The following CCSER1 variants were observed in gnomAD, a reference collection of about 807,000 sequenced individuals.
The protein encoded by CCSER1 is coiled-coil serine rich protein 1.
In CCSER1, 41 loss-of-function variants were observed where a neutral mutation model predicts 82.0. That is an observed-to-expected ratio of 0.50 (90% CI 0.39 to 0.65). The LOEUF (loss-of-function observed/expected upper bound fraction) is 0.65. CCSER1 is among the 30% of genes least tolerant of loss of function. The pLI, the probability that CCSER1 is intolerant of heterozygous loss-of-function variation, is 0.00. For missense variants in CCSER1, 1,119 were observed against 1,064.2 expected, an observed-to-expected ratio of 1.05 and a Z score of -0.72; for synonymous variants, 414 against 383.9, an observed-to-expected ratio of 1.08 and a Z score of -0.92.
chr4:91,437,227 C>T (rs1305833568), intron 10 of CCSER1, among the ~76,000 whole-genome samples: 2 of 152,120 alleles, frequency 1.3e-5, no homozygotes, highest in African/African-American at 2.4e-5. Context: ...TATCAGAATA[C>T]TAGGGTATTG....
intron 10 of CCSER1, among the ~76,000 whole-genome samples, chr4:91,490,842 G>A (rs1402794134): frequency 2.0e-5 from 2 of 98,616 alleles, no homozygotes; most frequent in African/African-American, 8.0e-5. Flanking sequence ...ATTACACATT[G>A]TATGCCTGTA....
chr4:90,865,355 G>T (rs1765598981), intron 8 of CCSER1, among the ~76,000 whole-genome samples: 2 of 151,930 alleles, frequency 1.3e-5, no homozygotes, highest in Non-Finnish European at 2.9e-5. Flanking sequence ...ATTTCAGTTT[G>T]CCATAGTTTT....
At chr4:90,559,857 A>G (rs982313296) in intron 5 of CCSER1, among the ~76,000 whole-genome samples, 2 of 148,984 alleles carry the variant, frequency 1.3e-5, no homozygotes, top group Non-Finnish European at 3.0e-5. Flanking sequence ...AGTAGTGCAT[A>G]CCTGTAGTCC....
At chr4:91,331,141 T>C (rs1746924068) in intron 10 of CCSER1, among the ~76,000 whole-genome samples, 1 of 152,108 alleles carries the variant, frequency 6.6e-6, no homozygotes, top group Non-Finnish European at 1.5e-5. Context: ...ATGTTGGAAA[T>C]GGAAAGTATC....
intron 5 of CCSER1, among the ~76,000 whole-genome samples, chr4:90,548,749 T>TATATATAC (rs950440676): frequency 6.8e-6 from 1 of 147,764 alleles, no homozygotes; most frequent in African/African-American, 2.5e-5. Context: ...TATATATATA[T>TATATATAC]ACACACACAC....
At chr4:91,036,314 TTGA>T (rs1187768628) in intron 9 of CCSER1, among the ~76,000 whole-genome samples, 1 of 152,224 alleles carries the variant, frequency 6.6e-6, no homozygotes, top group Admixed American at 6.5e-5. Flanking sequence ...CAAAATTAAT[TTGA>T]TGATTAATTT....
At chr4:91,562,173 A>C (rs543943457) in intron 10 of CCSER1, among the ~76,000 whole-genome samples, 6 of 151,656 alleles carry the variant, frequency 4.0e-5, no homozygotes, top group African/African-American at 1.4e-4. Context: ...ACTGAAATTC[A>C]AAATATCTTG....
chr4:90,941,155 A>G (rs1731534056), intron 9 of CCSER1, among the ~76,000 whole-genome samples: 1 of 152,136 alleles, frequency 6.6e-6, no homozygotes, highest in South Asian at 2.1e-4. Context: ...AGAATTATTT[A>G]TACAAATATA....
At chr4:90,793,537 T>C (rs184078522) in intron 7 of CCSER1, among the ~76,000 whole-genome samples, 2 of 148,294 alleles carry the variant, frequency 1.3e-5, no homozygotes, top group East Asian at 4.0e-4. Flanking sequence ...TATTTCATGA[T>C]GTTTATATAC....
intron 10 of CCSER1, among the ~76,000 whole-genome samples, chr4:91,169,363 A>G (rs940488235): frequency 2.6e-5 from 4 of 152,230 alleles, no homozygotes; most frequent in South Asian, 2.1e-4. Context: ...TCTCACGCCT[A>G]TAATCCCAGC....
At chr4:90,918,016 A>G (rs188417838) in intron 8 of CCSER1, among the ~76,000 whole-genome samples, 5 of 152,106 alleles carry the variant, frequency 3.3e-5, no homozygotes, top group African/African-American at 1.2e-4. Flanking sequence ...TACATTAAAA[A>G]AATCTTTTTC....
chr4:91,267,274 T>C (rs547360291), intron 10 of CCSER1, among the ~76,000 whole-genome samples: 41 of 152,240 alleles, frequency 2.7e-4, no homozygotes, highest in African/African-American at 9.9e-4. Context: ...CTCTTAGTTC[T>C]TTGTTTTTTA....
chr4:91,302,163 C>G lies in CCSER1; in HGVS notation c.2217+216169C>G, dbSNP rs984110664. On this transcript the variant is annotated intron_variant, in intron 10 of 10. Transcript: ENST00000509176. ...ATATATTGAACTGCCACACTGATAT[C>G]TTCATTTGCATTTAGATGCAATCAT... Among the ~76,000 whole-genome samples, 7 of 151,988 alleles carry G rather than the reference C, an allele frequency of 4.6e-5. No individual in the cohort carries two copies. In the East Asian group the frequency reaches 1.4e-3, roughly 30 times the overall value.
intron 7 of CCSER1, among the ~76,000 whole-genome samples, chr4:90,803,602 A>G (rs1445206522): frequency 6.6e-6 from 1 of 152,138 alleles, no homozygotes; most frequent in Non-Finnish European, 1.5e-5. Context: ...TTCTTTATCC[A>G]GTCTGTTATT....
intron 10 of CCSER1, among the ~76,000 whole-genome samples, chr4:91,087,562 T>C (rs1393517600): frequency 6.6e-6 from 1 of 152,090 alleles, no homozygotes; most frequent in Non-Finnish European, 1.5e-5. Context: ...TCAAAACTAT[T>C]TTGTGATTTC....
chr4:90,684,198 T>C (rs552765467), intron 6 of CCSER1, among the ~76,000 whole-genome samples: 58 of 152,192 alleles, frequency 3.8e-4, no homozygotes, highest in Non-Finnish European at 7.5e-4. Flanking sequence ...TATTTTGGGA[T>C]ATACTAATTT....
intron 10 of CCSER1, among the ~76,000 whole-genome samples, chr4:91,320,918 T>C (rs560323166): frequency 3.3e-5 from 5 of 152,176 alleles, no homozygotes; most frequent in African/African-American, 1.2e-4. Context: ...AAGTGAATGA[T>C]TGAATTGTTT....
At chr4:91,131,091 G>A (rs1427093222) in intron 10 of CCSER1, among the ~76,000 whole-genome samples, 1 of 151,760 alleles carries the variant, frequency 6.6e-6, no homozygotes, top group East Asian at 1.9e-4. Flanking sequence ...ACAGATTTTA[G>A]AGAAAACAGT....
intron 9 of CCSER1, among the ~76,000 whole-genome samples, chr4:90,939,697 A>G (rs771497875): frequency 3.3e-5 from 5 of 152,168 alleles, no homozygotes; most frequent in African/African-American, 4.8e-5. Flanking sequence ...TAAATATGTT[A>G]TAAAATTAAT....
Sources: gnomAD v4.1 joint callset for allele counts (sites outside exome capture counted in the v4.1 genomes callset) on GRCh38, gnomAD v4.1.1 for gene constraint, MANE v1.5 for transcripts, NCBI Gene and HGNC (gene_info 2026-07-23, HGNC 2026-07-21) for gene names.